The following SP140 variants were observed in gnomAD, a reference collection of about 807,000 sequenced individuals.
SP140 encodes the protein nuclear body protein SP140.
In SP140, 81 loss-of-function variants were observed where a neutral mutation model predicts 125.0. That is an observed-to-expected ratio of 0.65 (90% CI 0.54 to 0.78). SP140 has a LOEUF of 0.78. SP140 is among the 30% of genes least tolerant of loss of function. SP140 has a pLI of 0.00. For synonymous variants in SP140, 312 were observed against 354.0 expected (o/e 0.88, Z 1.33); for missense variants, 858 against 1,037.0 (o/e 0.83, Z 2.37).
At chr2:230,278,111 A>T (rs372485821) in intron 15 of SP140, among the ~76,000 whole-genome samples, 12 of 152,084 alleles carry the variant, frequency 7.9e-5, no homozygotes, top group Admixed American at 2.0e-4. Flanking sequence ...AGCATACAAG[A>T]GTTCCTTTTC....
chr2:230,216,870 T>C, intron 3 of SP140: 1 of 1,614,020 alleles, frequency 6.2e-7, no homozygotes, highest in South Asian at 1.1e-5. Context: ...ATCCCCAGCT[T>C]CTGGTGCATG....
chr2:230,316,165 G>C (rs1329503312), downstream of SP140, among the ~76,000 whole-genome samples: 1 of 152,178 alleles, frequency 6.6e-6, no homozygotes, highest in East Asian at 1.9e-4. Context: ...GGCCTGATAA[G>C]TGAGAAATAT....
intron 9 of SP140, among the ~76,000 whole-genome samples, chr2:230,250,692 AGGAAAGCAG>A (rs886218653): frequency 4.6e-5 from 7 of 152,334 alleles, no homozygotes; most frequent in Middle Eastern, 3.4e-3. Flanking sequence ...CACTGGCAGC[AGGAAAGCAG>A]GGCAAAGGCA....
intron 2 of SP140, among the ~76,000 whole-genome samples, 174 bp from the exon 3 acceptor site, chr2:230,238,039 G>A (rs2048226733): frequency 6.6e-6 from 1 of 152,194 alleles, no homozygotes; most frequent in African/African-American, 2.4e-5. Flanking sequence ...ATGTCAGAGA[G>A]TCAGGTTCAA....
rs371938767 is a variant in SP140 at position 230,216,734 on chromosome 2, A to C, written c.-91+2660A>C. On this transcript the variant is annotated intron_variant, in intron 3 of 4. Coordinates refer to the SP140 transcript ENST00000456542. ...TGGTTTGAGACTTTAATAATCAGGC[A>C]TATTGGTGGGGGCTGGGCTGCCATG... The C allele has an allele frequency of 1.1e-5, 18 of 1,609,266 alleles. No homozygotes were observed. The African/African-American group carries it at 2.3e-4, about 20-fold the overall frequency.
At chr2:230,201,042 T>G (rs2043134344), upstream of SP140, 3 of 1,123,498 alleles carry the variant, frequency 2.7e-6, no homozygotes, top group African/African-American at 4.6e-5. Flanking sequence ...GGAAGGCCCT[T>G]GCACACTCTG....
Position 230,294,313 on chromosome 2 carries a change from A to T in SP140, c.2011A>T (p.Lys671Ter). 6.2e-7 allele frequency: 1 copy of T among 1,610,654 alleles called. No individual in the cohort carries two copies. Among genetic ancestry groups the T allele is most frequent in the Middle Eastern group, 1.7e-4 (1 of 6,060 alleles). Residue 671 changes from lysine to a stop codon, truncating the protein, a stop_gained, in exon 21 of 27, where the codon AAA becomes TAA. Transcript: ENST00000392045. LOFTEE classifies it high-confidence loss of function. The stretch of plus-strand genomic sequence containing the variant: ...TCCTCCAAGAATACGTTACAGGAAA[A>T]AAAAGGTGATTATTACATAGCTTTA... ...PDPPRIRYRK[K>*]KRILKSQNNS...
chr2:230,303,708 C>G (rs2058511701), intron 22 of SP140, among the ~76,000 whole-genome samples: 1 of 152,100 alleles, frequency 6.6e-6, no homozygotes, highest in East Asian at 1.9e-4. Context: ...AATCCAGCAC[C>G]TTTTATAATT....
At chr2:230,220,457 G>A (rs16826884) in intron 3 of SP140, among the ~76,000 whole-genome samples, 3,726 of 152,262 alleles carry the variant, frequency 0.024, 153 homozygotes, top group African/African-American at 0.085. Flanking sequence ...GAACTTGTCA[G>A]GATAAGATTA....
chr2:230,225,822 G>C lies in SP140; in HGVS notation c.-23G>C. On this transcript the variant is annotated 5_prime_UTR_variant, in exon 1 of 27. Coordinates refer to ENST00000392045, the MANE Select transcript of SP140 (RefSeq NM_007237.5). ...GGAACGGGGCAGTGAAAATCGAATC[G>C]GGTGTGATCCTAGGCCAAGCTCATG... 1.2e-6 allele frequency: 2 copies of C among 1,610,476 alleles called. No homozygotes were observed. Among genetic ancestry groups the C allele is most frequent in the Non-Finnish European group, 1.7e-6 (2 of 1,176,686 alleles).
upstream of SP140, chr2:230,202,646 A>G (rs202198335): frequency 1.3e-4 from 205 of 1,613,912 alleles, no homozygotes; most frequent in Non-Finnish European, 1.5e-4. Context: ...CCGTGGAGTT[A>G]CAAGTTGAGT....
the SP140 span, among the ~76,000 whole-genome samples, chr2:230,194,022 G>A: frequency 9.9e-5 from 15 of 152,276 alleles, no homozygotes; most frequent in African/African-American, 3.6e-4. Context: ...CTCCAGCCTA[G>A]GGAGGCAGTG....
At chr2:230,299,154 C>T (rs891307674) in intron 22 of SP140, among the ~76,000 whole-genome samples, 2 of 152,198 alleles carry the variant, frequency 1.3e-5, no homozygotes, top group Non-Finnish European at 2.9e-5. Context: ...AACTTTTGCT[C>T]CAAGAACCAC....
intron 7 of SP140, among the ~76,000 whole-genome samples, chr2:230,247,104 C>T (rs918941897): frequency 6.6e-6 from 1 of 152,180 alleles, no homozygotes; most frequent in Non-Finnish European, 1.5e-5. Flanking sequence ...TCGACCTCCC[C>T]CTGAGGCTTT....
intron 11 of SP140, among the ~76,000 whole-genome samples, chr2:230,253,751 T>C (rs2050734678): frequency 6.6e-6 from 1 of 152,178 alleles, no homozygotes; most frequent in East Asian, 1.9e-4. Context: ...GTTATGGTAA[T>C]TGAGGCAGGG....
chr2:230,267,816 A>G (rs2053355393), intron 12 of SP140, among the ~76,000 whole-genome samples: 1 of 152,164 alleles, frequency 6.6e-6, no homozygotes, highest in Non-Finnish European at 1.5e-5. Flanking sequence ...ATTGTAGTTG[A>G]CTCCAGATTA....
At chr2:230,248,185 A>G in intron 8 of SP140, 120 bp downstream of exon 8, 1 of 894,510 alleles carries the variant, frequency 1.1e-6, no homozygotes, top group Non-Finnish European at 1.7e-6. Flanking sequence ...ATTGCACAAG[A>G]GCTTCTTTTA....
the SP140 span, among the ~76,000 whole-genome samples, chr2:230,186,376 G>C: frequency 6.0e-4 from 92 of 152,218 alleles, no homozygotes; most frequent in East Asian, 0.016. Flanking sequence ...GTAGGGATTT[G>C]TGTCTGTCTT....
chr2:230,301,757 A>G (rs1322417800), intron 22 of SP140, among the ~76,000 whole-genome samples: 1 of 152,216 alleles, frequency 6.6e-6, no homozygotes, highest in East Asian at 1.9e-4. Context: ...AACAGCTAGC[A>G]TGATGAATAG....
Sources: allele counts gnomAD v4.1 joint callset (sites outside exome capture counted in the v4.1 genomes callset), GRCh38; gene constraint gnomAD v4.1.1; transcripts MANE v1.5; gene names NCBI Gene and HGNC (gene_info 2026-07-23, HGNC 2026-07-21).